The following GPATCH2L variants were observed in gnomAD, a reference collection of about 807,000 sequenced individuals.
GPATCH2L encodes G patch domain-containing protein 2-like.
GPATCH2L carries 31 observed loss-of-function variants against 57.4 expected under a neutral mutation model. The ratio of observed to expected loss-of-function variants is 0.54; its 90% CI spans 0.41 to 0.73. The LOEUF is 0.73. GPATCH2L is among the 30% of genes least tolerant of loss of function. GPATCH2L has a pLI of 0.00. For synonymous variants in GPATCH2L, 199 were observed against 210.7 expected, an observed-to-expected ratio of 0.94 and a Z score of 0.48; for missense variants, 481 against 599.9, an observed-to-expected ratio of 0.80 and a Z score of 2.07.
chr14:76,172,120 A>C, intron 4 of GPATCH2L, 101 bp downstream of exon 4: 1 of 720,820 alleles, frequency 1.4e-6, no homozygotes, highest in Non-Finnish European at 2.2e-6. Flanking sequence ...TCACACATTA[A>C]CTATCTGAAT....
chr14:76,194,484 A>AGTGTGTGTGTGTGTGT (rs59406744), intron 8 of GPATCH2L, among the ~76,000 whole-genome samples: 10,315 of 151,050 alleles, frequency 0.068, 547 homozygotes, highest in African/African-American at 0.16. Flanking sequence ...GAGACATGAA[A>AGTGTGTGTGTGTGTGT]GTGTGTGTGT....
intron 3 of GPATCH2L, 109 bp from the exon 4 acceptor site, chr14:76,171,734 A>G: frequency 8.2e-6 from 6 of 730,948 alleles, no homozygotes; most frequent in East Asian, 2.8e-5. Flanking sequence ...AAAAGGAAAA[A>G]AAAAAAAAAG....
In GPATCH2L at chr14:76,207,524, A is replaced by G. The variant is rs951737165; in HGVS notation, c.*5673A>G. ...ATGAATCATTTAAAGTACGGCTCAT[A>G]AAAATGAAAAAAAAAATTGGAAGAA... On this transcript the variant is annotated 3_prime_UTR_variant, in exon 10 of 10. Coordinates refer to ENST00000261530, the MANE Select transcript of GPATCH2L (RefSeq NM_017926.4). The G allele has an allele frequency of 1.4e-5, 2 of 141,896 alleles. No individual in the cohort carries two copies. Among genetic ancestry groups the G allele is most frequent in the African/African-American group, 5.7e-5 (2 of 35,262 alleles). 8.8% of individuals were successfully genotyped at this position (141,896 alleles called of 1,614,324 possible). A position where few individuals can be genotyped will look rare whatever the true frequency, so the allele number is the denominator to read the frequency against.
Position 76,180,756 on chromosome 14 carries a change from T to C in GPATCH2L, c.1108-8T>C. 6.3e-7 allele frequency: 1 copy of C among 1,586,464 alleles called. No homozygotes were observed. Among genetic ancestry groups the C allele is most frequent in the Non-Finnish European group, 8.7e-7 (1 of 1,154,652 alleles). The stretch of plus-strand genomic sequence containing the variant: ...GCCTTACTAAAATAGTCTTATTCAT[T>C]CCTGCAGTTCAATCCCCTGTCTCCC... On this transcript the variant is annotated splice_region_variant and splice_polypyrimidine_tract_variant and intron_variant, in intron 7 of 9. Coordinates refer to ENST00000261530, the MANE Select transcript of GPATCH2L (RefSeq NM_017926.4).
At chr14:76,228,252 T>G (rs1347208604) in intron 1 of GPATCH2L, among the ~76,000 whole-genome samples, 1 of 152,238 alleles carries the variant, frequency 6.6e-6, no homozygotes, top group East Asian at 1.9e-4. Context: ...TTCCCCTTTC[T>G]GTTACATACA....
chr14:76,171,755 A>G, intron 3 of GPATCH2L, 88 bp from the exon 4 acceptor site: 1 of 804,190 alleles, frequency 1.2e-6, no homozygotes, highest in South Asian at 2.0e-5. Context: ...GATGATCAAA[A>G]CTATGGCACT....
At chr14:76,198,079 C>G (rs1039007583) in intron 9 of GPATCH2L, among the ~76,000 whole-genome samples, 1 of 130,856 alleles carries the variant, frequency 7.6e-6, no homozygotes. Flanking sequence ...AACAAAAGGC[C>G]AAGGAAAAAG....
At position 76,154,374 on chromosome 14, in the gene GPATCH2L, T is replaced by C. The variant is rs768474392; in HGVS notation, c.11T>C (p.Leu4Pro). Residue 4 changes from leucine to proline, a missense_variant, in exon 2 of 10, where the codon CTG becomes CCG. Coordinates refer to ENST00000261530, the MANE Select transcript of GPATCH2L (RefSeq NM_017926.4). This position sits in a 1 kb window ranked among gnomAD's most constrained non-coding sequence, Gnocchi z 4.4. ...GGCAGATGTGGCCTCATGGATGAGC[T>C]GGTACACGACTTAGCCTCAGCCTTG... MDE[L>P]VHDLASALEQ... is the part of the protein sequence containing the mutation. 1.3e-6 allele frequency: 2 copies of C among 1,587,500 alleles called. No individual in the cohort carries two copies. Among genetic ancestry groups the C allele is most frequent in the Non-Finnish European group, 1.7e-6 (2 of 1,159,726 alleles).
rs959382550 is a variant in GPATCH2L at position 76,204,399 on chromosome 14, C to G, written c.*2548C>G. ...TTAAGCACACAAATACTTTCCAACA[C>G]AGGGTTGTAAATTGTGCTCCTCATT... is the stretch of plus-strand genomic sequence containing the variant. On this transcript the variant is annotated 3_prime_UTR_variant, in exon 10 of 10. Transcript: ENST00000261530. 1 of 152,162 alleles carries G rather than the reference C, an allele frequency of 6.6e-6. No individual in the cohort carries two copies. Among genetic ancestry groups the G allele is most frequent in the East Asian group, 1.9e-4 (1 of 5,202 alleles). 9.4% of individuals were successfully genotyped at this position (152,162 alleles called of 1,614,324 possible).
chr14:76,233,711 T>C (rs2040585389), intron 2 of GPATCH2L, among the ~76,000 whole-genome samples: 1 of 152,226 alleles, frequency 6.6e-6, no homozygotes, highest in African/African-American at 2.4e-5. Context: ...TGATCATACT[T>C]TAAAAATTAA....
In GPATCH2L at chr14:76,154,789, C is replaced by T. The variant is rs199736144; in HGVS notation, c.426C>T (p.Ser142=). 9 of 1,614,204 alleles carry T rather than the reference C, an allele frequency of 5.6e-6. No individual in the cohort carries two copies. The highest frequency in any genetic ancestry group is 1.3e-5 in the African/African-American group (1 of 75,050). ...VKRVTSEVAA[S]LQQKLKVSDW... ...GAGTGACATCAGAGGTGGCTGCTAG[C>T]CTTCAGCAGAAGCTGAAGGTGTCAG... The change falls in exon 2 of 10, where the codon AGC becomes AGT. Residue 142 remains serine, a synonymous_variant. Transcript: ENST00000261530. This position sits in a 1 kb window ranked among gnomAD's most constrained non-coding sequence, Gnocchi z 4.4.
intron 9 of GPATCH2L, among the ~76,000 whole-genome samples, chr14:76,200,039 A>G (rs1648625652): frequency 6.6e-6 from 1 of 152,248 alleles, no homozygotes; most frequent in African/African-American, 2.4e-5. Context: ...AATTGGATGA[A>G]GACATTTGCT....
chr14:76,162,438 A>G (rs2038636048), intron 2 of GPATCH2L, among the ~76,000 whole-genome samples: 1 of 152,176 alleles, frequency 6.6e-6, no homozygotes, highest in Admixed American at 6.5e-5. Flanking sequence ...AGAAGTGGCA[A>G]CCTATTGCTT....
intron 7 of GPATCH2L, among the ~76,000 whole-genome samples, chr14:76,180,258 A>T (rs779493871): frequency 2.6e-4 from 40 of 152,120 alleles, no homozygotes; most frequent in Non-Finnish European, 5.1e-4. Context: ...GTAATTTTTA[A>T]CACCCAGTAT....
At chr14:76,190,983 C>T (rs913145303) in intron 8 of GPATCH2L, among the ~76,000 whole-genome samples, 14 of 152,242 alleles carry the variant, frequency 9.2e-5, no homozygotes, top group Middle Eastern at 3.4e-3. Flanking sequence ...AAGATCACTT[C>T]CCTTAACGTA....
chr14:76,158,597 A>T (rs1216257233), intron 2 of GPATCH2L, among the ~76,000 whole-genome samples: 1 of 152,220 alleles, frequency 6.6e-6, no homozygotes, highest in African/African-American at 2.4e-5. Context: ...TTCATGGTTA[A>T]GGTAAGTAGC....
At chr14:76,217,244 A>G (rs1028933726), downstream of GPATCH2L, among the ~76,000 whole-genome samples, 22 of 152,218 alleles carry the variant, frequency 1.4e-4, no homozygotes, top group African/African-American at 5.3e-4. Context: ...AAAGTGTTCA[A>G]TAACAAAAGA....
rs912112929 is a variant in GPATCH2L, at chr14:76,210,751, A to G, written c.*8900A>G. On this transcript the variant is annotated 3_prime_UTR_variant, in exon 10 of 10. Transcript: ENST00000261530. ...GTGTTCTGAGATGTTAATGTTAGTGATAGACTGTTTTCAACACCTTGGTAA... is the reference window on the plus strand; with the variant it reads ...GTGTTCTGAGATGTTAATGTTAGTGGTAGACTGTTTTCAACACCTTGGTAA... 1 of 152,040 alleles carries G rather than the reference A, an allele frequency of 6.6e-6. No individual in the cohort carries two copies. The highest frequency in any genetic ancestry group is 1.5e-5 in the Non-Finnish European group (1 of 68,010). 9.4% of individuals were successfully genotyped at this position (152,040 alleles called of 1,614,324 possible). A position where few individuals can be genotyped will look rare whatever the true frequency, so the allele number is the denominator to read the frequency against.
intron 8 of GPATCH2L, among the ~76,000 whole-genome samples, chr14:76,187,178 CATTTAATCTAGGGATTAAATCTCTAG>C (rs1457687964): frequency 1.3e-5 from 2 of 152,016 alleles, no homozygotes; most frequent in Non-Finnish European, 2.9e-5. Context: ...AGGAGTCTCA[CATTTAATCTAGGGATTAAATCTCTAG>C]ATTTAATCCT....
Sources: allele counts gnomAD v4.1 joint callset (sites outside exome capture counted in the v4.1 genomes callset), GRCh38; gene constraint gnomAD v4.1.1; non-coding constraint Gnocchi (gnomAD v3.1); transcripts MANE v1.5; gene names NCBI Gene and HGNC (gene_info 2026-07-23, HGNC 2026-07-21).